MYOM1: variants seen among roughly 807,000 people sequenced by gnomAD.
MYOM1 encodes myomesin 1, also known as myomesin-1.
A neutral mutation model predicts 205.3 loss-of-function variants in MYOM1; 164 were observed. The observed-to-expected ratio is 0.80, with a 90% CI of 0.70 to 0.91. MYOM1 has a LOEUF of 0.91. Among genes scored for constraint, MYOM1 ranks in the 40% least tolerant of loss-of-function variants. The pLI, the probability that MYOM1 is intolerant of heterozygous loss-of-function variation, is 0.00. For missense variants in MYOM1, 2,011 were observed against 2,127.3 expected, an observed-to-expected ratio of 0.95 and a Z score of 1.08; for synonymous variants, 772 against 789.4, an observed-to-expected ratio of 0.98 and a Z score of 0.37.
Position 3,135,847 on chromosome 18 carries a change from A to T in MYOM1, c.2026-117T>A. 1 of 1,094,060 alleles carries T rather than the reference A, an allele frequency of 9.1e-7. No individual in the cohort carries two copies. Among genetic ancestry groups the T allele is most frequent in the Non-Finnish European group, 1.3e-6 (1 of 760,218 alleles). The allele number at this position is 1,094,060 out of a possible 1,614,324, so 67.8% of individuals were successfully genotyped here. ...AACCACTCCCTGTAATGCAAGCTGG[A>T]CTGGAGGAGAGATGAGGAGGAAATA... On this transcript the variant is annotated intron_variant, in intron 14 of 37. Coordinates refer to ENST00000356443, the MANE Select transcript of MYOM1 (RefSeq NM_003803.4). The surrounding 1 kb of genome is among the most constrained non-coding windows in gnomAD (Gnocchi z 4.1).
intron 22 of MYOM1, 139 bp from the exon 23 acceptor site, chr18:3,102,769 G>C: frequency 1.3e-6 from 1 of 798,118 alleles, no homozygotes; most frequent in Non-Finnish European, 2.0e-6. Context: ...TACTCATGCA[G>C]GTGGACAGTC....
chr18:3,110,315 C>T (rs537753582), intron 22 of MYOM1, among the ~76,000 whole-genome samples: 13 of 152,236 alleles, frequency 8.5e-5, no homozygotes, highest in African/African-American at 2.2e-4. Flanking sequence ...TAATGGGTCA[C>T]GTGTAGTACT....
intron 17 of MYOM1, among the ~76,000 whole-genome samples, chr18:3,130,927 A>G (rs564457899): frequency 6.6e-6 from 1 of 152,354 alleles, no homozygotes; most frequent in South Asian, 2.1e-4. Context: ...TGTGCCTTGC[A>G]TGAATTTTAG....
At chr18:3,244,191 T>C in the MYOM1 span, among the ~76,000 whole-genome samples, 72 of 152,206 alleles carry the variant, frequency 4.7e-4, no homozygotes, top group Middle Eastern at 0.01. Context: ...CAAAACTGTC[T>C]CTCCAGACAT....
chr18:3,151,886 C>T lies in MYOM1; in HGVS notation c.1651G>A (p.Val551Met), dbSNP rs2080228717. Residue 551 changes from valine to methionine, a missense_variant, in exon 12 of 38, where the codon GTG (valine) becomes ATG (methionine). Physicochemically the swap from Val to Met is conservative, Grantham distance 21 (BLOSUM62 1). Coordinates refer to ENST00000356443, the MANE Select transcript of MYOM1 (RefSeq NM_003803.4). ...CACTGCGACCAGCTATCTGTGCCCA[C>T]CTCACACCTAAAGGAATGAGCGTGA... Reference protein sequence around the residue: ...ILGYFIDKCEVGTDSWSQCND... With the variant: ...ILGYFIDKCEMGTDSWSQCND... 1.2e-6 allele frequency: 2 copies of T among 1,611,610 alleles called. No individual in the cohort carries two copies. The highest frequency in any genetic ancestry group is 1.7e-6 in the Non-Finnish European group (2 of 1,178,462).
chr18:3,161,715 T>C (rs1012214474), intron 10 of MYOM1, among the ~76,000 whole-genome samples: 7 of 152,220 alleles, frequency 4.6e-5, no homozygotes, highest in African/African-American at 1.7e-4. Flanking sequence ...TTAGTCTAGA[T>C]CCTAATTAAA....
At chr18:3,091,112 T>C (rs1285243002) in intron 26 of MYOM1, among the ~76,000 whole-genome samples, 1 of 152,018 alleles carries the variant, frequency 6.6e-6, no homozygotes, top group Non-Finnish European at 1.5e-5. Flanking sequence ...GGTCAGGAGT[T>C]CGAGACCAGC....
intron 19 of MYOM1, among the ~76,000 whole-genome samples, chr18:3,121,304 T>G (rs929793674): frequency 2.6e-5 from 4 of 152,158 alleles, no homozygotes; most frequent in African/African-American, 9.7e-5. Flanking sequence ...CCCGGGTAGA[T>G]ACATCTTTTT....
intron 37 of MYOM1, 81 bp from the exon 38 acceptor site, chr18:3,067,636 C>T: frequency 6.8e-7 from 1 of 1,472,720 alleles, no homozygotes; most frequent in Non-Finnish European, 9.2e-7. Context: ...CGGCTGGTGG[C>T]TTGGCATGAC....
chr18:3,187,939 T>G (rs2080844978), intron 4 of MYOM1, among the ~76,000 whole-genome samples: 1 of 147,460 alleles, frequency 6.8e-6, no homozygotes, highest in Admixed American at 6.7e-5. Context: ...CCCAGGTTCA[T>G]GCGATTCTTG....
chr18:3,238,376 G>A, the MYOM1 span, among the ~76,000 whole-genome samples: 1 of 152,100 alleles, frequency 6.6e-6, no homozygotes, highest in Admixed American at 6.5e-5. Context: ...CGACCTGGGG[G>A]AGGGGGGAGG....
chr18:3,156,441 A>C (rs2080303290), intron 10 of MYOM1, among the ~76,000 whole-genome samples: 1 of 152,202 alleles, frequency 6.6e-6, no homozygotes, highest in South Asian at 2.1e-4. Context: ...TGGGTTTTGA[A>C]CATTCTGTTT....
At chr18:3,206,754 G>C (rs919567811) in intron 2 of MYOM1, among the ~76,000 whole-genome samples, 3 of 151,892 alleles carry the variant, frequency 2.0e-5, no homozygotes, top group African/African-American at 4.8e-5. Flanking sequence ...CAAAGTTCGC[G>C]GACAAGTAGA....
At chr18:3,100,906 A>C (rs2079366556) in intron 23 of MYOM1, among the ~76,000 whole-genome samples, 1 of 152,176 alleles carries the variant, frequency 6.6e-6, no homozygotes, top group South Asian at 2.1e-4. Flanking sequence ...AGAGACAGGA[A>C]CTGCTTTGTT....
chr18:3,168,914 A>C lies in MYOM1; in HGVS notation c.1242T>G (p.Ser414=). 6.2e-7 allele frequency: 1 copy of C among 1,613,852 alleles called. No individual in the cohort carries two copies. Among genetic ancestry groups the C allele is most frequent in the Non-Finnish European group, 8.5e-7 (1 of 1,179,846 alleles). Residue 414 remains serine (S), a synonymous_variant, in exon 9 of 38, where the codon TCT becomes TCG. Transcript: ENST00000356443. The part of the protein sequence containing the change: ...EIHFDDKFDV[S]FGREGETMSL... ...TCATTGTCTCTCCCTCTCTCCCAAA[A>C]GACACATCAAATTTGTCATCAAAGT...
At chr18:3,206,599 C>T (rs1017634457) in intron 2 of MYOM1, among the ~76,000 whole-genome samples, 7 of 152,158 alleles carry the variant, frequency 4.6e-5, no homozygotes, top group Admixed American at 1.3e-4. Context: ...TTTGTGAAAA[C>T]GTTGTTTTGG....
intron 2 of MYOM1, among the ~76,000 whole-genome samples, chr18:3,208,974 T>C (rs1161227475): frequency 6.6e-6 from 1 of 152,214 alleles, no homozygotes; most frequent in Non-Finnish European, 1.5e-5. Flanking sequence ...TAACAGTCAA[T>C]TGGCTCAATA....
intron 8 of MYOM1, 80 bp from the exon 9 acceptor site, chr18:3,169,061 AGCAGTCACAGC>A: frequency 2.5e-6 from 3 of 1,210,860 alleles, no homozygotes; most frequent in East Asian, 2.8e-5. Flanking sequence ...ACAGGCAGAA[AGCAGTCACAGC>A]AAAAAAAAAA....
At chr18:3,094,112 G>T (rs1399057489) in intron 26 of MYOM1, 58 bp downstream of exon 26, 5 of 1,564,318 alleles carry the variant, frequency 3.2e-6, no homozygotes, top group Admixed American at 3.5e-5. Context: ...TCCACATAAG[G>T]CTTCCTCAGT....
Sources: allele counts gnomAD v4.1 joint callset (sites outside exome capture counted in the v4.1 genomes callset), GRCh38; gene constraint gnomAD v4.1.1; non-coding constraint Gnocchi (gnomAD v3.1); transcripts MANE v1.5; gene names NCBI Gene and HGNC (gene_info 2026-07-23, HGNC 2026-07-21).